Variants in JAZF1 observed in about 807,000 individuals in gnomAD.
JAZF1 encodes JAZF zinc finger 1.
Under a neutral mutation model 26.4 loss-of-function variants are expected in JAZF1, and 8 were observed. That is an observed-to-expected ratio of 0.30 (90% CI 0.18 to 0.55). The LOEUF is 0.55. Among genes scored for constraint, JAZF1 ranks in the 20% least tolerant of loss-of-function variants. The pLI, the probability that JAZF1 is intolerant of heterozygous loss-of-function variation, is 0.94. For missense variants in JAZF1, 199 were observed against 322.0 expected, an observed-to-expected ratio of 0.62 and a Z score of 2.92; for synonymous variants, 126 against 122.3, an observed-to-expected ratio of 1.03 and a Z score of -0.20.
Position 28,092,643 on chromosome 7 carries a change from G to A in JAZF1, c.115+87820C>T, listed in dbSNP as rs922613400. 2.0e-5 allele frequency among the ~76,000 whole-genome samples: 3 copies of A among 151,922 alleles called. No individual in the cohort carries two copies. In the East Asian group the frequency reaches 5.8e-4, roughly 29 times the overall value. ...AGAGTGCTTGAGCCCAGGAGTTCAAGTCCAGCCTGGGCAACATAGTGAAAT... is the reference window on the plus strand; with the variant it reads ...AGAGTGCTTGAGCCCAGGAGTTCAAATCCAGCCTGGGCAACATAGTGAAAT... On this transcript the variant is annotated intron_variant, in intron 1 of 4. Transcript: ENST00000283928.
chr7:28,062,852 G>A (rs1016930499), intron 1 of JAZF1, among the ~76,000 whole-genome samples: 3 of 151,896 alleles, frequency 2.0e-5, no homozygotes, highest in Admixed American at 1.3e-4. Flanking sequence ...TTGTCTCCTC[G>A]TTTGACCCAG....
At chr7:28,134,974 A>G (rs1168677761) in intron 1 of JAZF1, among the ~76,000 whole-genome samples, 1 of 152,196 alleles carries the variant, frequency 6.6e-6, no homozygotes, top group Non-Finnish European at 1.5e-5. Flanking sequence ...CCCCAAATGA[A>G]TGCACAAATT....
chr7:28,026,937 G>A (rs974061499), intron 1 of JAZF1, among the ~76,000 whole-genome samples: 3 of 152,196 alleles, frequency 2.0e-5, no homozygotes, highest in Non-Finnish European at 2.9e-5. Context: ...GCTGCCCCAA[G>A]TGGGCTTCAC....
chr7:28,023,485 T>C (rs532396721), intron 1 of JAZF1, among the ~76,000 whole-genome samples: 1 of 152,370 alleles, frequency 6.6e-6, no homozygotes, highest in African/African-American at 2.4e-5. Flanking sequence ...AAGTGAATTC[T>C]GAAATTCCAG....
chr7:27,993,891 T>C (rs1785957521), intron 1 of JAZF1, among the ~76,000 whole-genome samples: 1 of 152,182 alleles, frequency 6.6e-6, no homozygotes, highest in Non-Finnish European at 1.5e-5. Flanking sequence ...GTTAGGAGTC[T>C]AAAATTTGTG....
At chr7:27,940,338 C>T (rs1016699360) in intron 2 of JAZF1, among the ~76,000 whole-genome samples, 1 of 152,156 alleles carries the variant, frequency 6.6e-6, no homozygotes, top group African/African-American at 2.4e-5. Context: ...ATCAGCCTTA[C>T]CCTGGCTCCT....
At chr7:27,969,503 T>C (rs1011742271) in intron 2 of JAZF1, among the ~76,000 whole-genome samples, 1 of 151,944 alleles carries the variant, frequency 6.6e-6, no homozygotes, top group African/African-American at 2.4e-5. Flanking sequence ...GCAGAGTGAA[T>C]TGACTGTCAA....
At chr7:28,046,876 T>C (rs1317434046) in intron 1 of JAZF1, among the ~76,000 whole-genome samples, 2 of 152,212 alleles carry the variant, frequency 1.3e-5, no homozygotes, top group African/African-American at 4.8e-5. Flanking sequence ...ATATTAACGC[T>C]TTTTATGTTA....
At chr7:28,127,232 A>G (rs992868880) in intron 1 of JAZF1, among the ~76,000 whole-genome samples, 1 of 152,212 alleles carries the variant, frequency 6.6e-6, no homozygotes, top group African/African-American at 2.4e-5. Context: ...TAGCCTTAGA[A>G]GTCATGCCTT....
chr7:27,903,979 G>T (rs1300782415), intron 2 of JAZF1, among the ~76,000 whole-genome samples: 1 of 152,220 alleles, frequency 6.6e-6, no homozygotes, highest in African/African-American at 2.4e-5. Context: ...TGGGCCCTGA[G>T]ATTCCAAGCA....
intron 1 of JAZF1, among the ~76,000 whole-genome samples, chr7:28,103,038 A>T (rs1017544043): frequency 6.6e-6 from 1 of 152,132 alleles, no homozygotes; most frequent in African/African-American, 2.4e-5. Context: ...CGATTGATGT[A>T]ACCATTTTTG....
chr7:28,145,783 C>T (rs917879195), intron 1 of JAZF1, among the ~76,000 whole-genome samples: 25 of 152,064 alleles, frequency 1.6e-4, no homozygotes, highest in African/African-American at 5.8e-4. Flanking sequence ...CGTACAATCT[C>T]CTTCCCCCAT....
At chr7:28,115,206 T>C (rs915609391) in intron 1 of JAZF1, among the ~76,000 whole-genome samples, 6 of 152,218 alleles carry the variant, frequency 3.9e-5, no homozygotes, top group Admixed American at 1.3e-4. Context: ...AAGCCACATA[T>C]GTAATTTTAA....
At chr7:28,095,981 A>G (rs1784377142) in intron 1 of JAZF1, among the ~76,000 whole-genome samples, 1 of 152,102 alleles carries the variant, frequency 6.6e-6, no homozygotes, top group Non-Finnish European at 1.5e-5. Context: ...CTGGGCCCCA[A>G]CCGTATGACT....
In JAZF1 at chr7:28,131,673, A is replaced by G. The variant is rs73300609; in HGVS notation, c.115+48790T>C. On this transcript the variant is annotated intron_variant, in intron 1 of 4. Transcript: ENST00000283928. ...AAATAAGCACTTCTCAACACTAACC[A>G]CAAATCTTCAGGGCTTATCCCAGAG... Among the ~76,000 whole-genome samples the G allele has an allele frequency of 9.1e-3, 1,383 of 152,254 alleles. 17 individuals carry two copies. The highest frequency in any genetic ancestry group is 0.031 in the African/African-American group (1,304 of 41,542).
At chr7:27,870,314 A>G (rs990985270) in intron 3 of JAZF1, among the ~76,000 whole-genome samples, 2 of 151,884 alleles carry the variant, frequency 1.3e-5, no homozygotes, top group South Asian at 2.1e-4. Context: ...TCCAGCCCCA[A>G]CTTGCTCACT....
intron 1 of JAZF1, among the ~76,000 whole-genome samples, chr7:28,146,010 TCTTCCTAGAAGC>T (rs766445778): frequency 3.2e-4 from 48 of 152,340 alleles, no homozygotes; most frequent in Non-Finnish European, 5.6e-4. Flanking sequence ...AATTTTCTAC[TCTTCCTAGAAGC>T]CTTAAGATAA....
intron 1 of JAZF1, among the ~76,000 whole-genome samples, chr7:28,065,315 G>C (rs574126747): frequency 1.3e-5 from 2 of 152,078 alleles, no homozygotes; most frequent in Admixed American, 6.6e-5. Flanking sequence ...GAGTGGGTGA[G>C]AGAAGCGGGG....
chr7:28,067,667 C>A (rs1470702713), intron 1 of JAZF1, among the ~76,000 whole-genome samples: 1 of 152,180 alleles, frequency 6.6e-6, no homozygotes, highest in Non-Finnish European at 1.5e-5. Context: ...TAGATTTGGG[C>A]CACTTGGAAA....
Sources: gnomAD v4.1 joint callset for allele counts (sites outside exome capture counted in the v4.1 genomes callset) on GRCh38, gnomAD v4.1.1 for gene constraint, MANE v1.5 for transcripts, NCBI Gene and HGNC (gene_info 2026-07-23, HGNC 2026-07-21) for gene names.